The following CARD14 variants were observed in gnomAD, a reference collection of about 807,000 sequenced individuals.
CARD14 encodes the protein caspase recruitment domain-containing protein 14.
Under a neutral mutation model 111.5 loss-of-function variants are expected in CARD14, and 107 were observed. The observed-to-expected ratio is 0.96, with a 90% CI of 0.82 to 1.13. The LOEUF is 1.13. CARD14 is among the 50% of genes most tolerant of loss of function. The probability of loss-of-function intolerance (pLI) is 0.00; values close to 1 mark genes in which losing one functional copy is unlikely to be tolerated. For synonymous variants in CARD14, 617 were observed against 579.6 expected (o/e 1.06, Z -0.93); for missense variants, 1,322 against 1,362.3 (o/e 0.97, Z 0.47).
At chr17:80,187,931 T>A (rs1397932355) in intron 7 of CARD14, 84 of 985,960 alleles carry the variant, frequency 8.5e-5, no homozygotes, top group Non-Finnish European at 1.0e-4. Context: ...CAGGCACGTC[T>A]ACCCCTCCGA....
At chr17:80,190,748 C>A (rs373033714) in intron 9 of CARD14, 26 bp from the exon 10 acceptor site, 2 of 1,612,540 alleles carry the variant, frequency 1.2e-6, no homozygotes, top group Non-Finnish European at 1.7e-6. Flanking sequence ...CTGAGCTTCA[C>A]GGTCCATGTG....
intron 6 of CARD14, among the ~76,000 whole-genome samples, chr17:80,183,150 G>C (rs148326936): frequency 2.8e-4 from 43 of 152,352 alleles, no homozygotes; most frequent in Admixed American, 1.6e-3. Flanking sequence ...GGGCCAGAAC[G>C]GCCCAGCCTC....
chr17:80,206,299 A>AAAAAAAATATTTCAACT (rs1392916751), intron 22 of CARD14, among the ~76,000 whole-genome samples: 3 of 151,612 alleles, frequency 2.0e-5, no homozygotes, highest in Admixed American at 1.3e-4. Context: ...ACCCGTCTCT[A>AAAAAAAATATTTCAACT]AAAAAAATTA....
intron 19 of CARD14, 27 bp from the exon 20 acceptor site, chr17:80,204,200 C>T: frequency 6.4e-7 from 1 of 1,563,936 alleles, no homozygotes; most frequent in Non-Finnish European, 8.7e-7. Context: ...ACAGCTCCTC[C>T]TCATCCTTTC....
At chr17:80,205,715 AG>A (rs2144576449) in intron 22 of CARD14, 63 bp downstream of exon 22, 4 of 1,467,232 alleles carry the variant, frequency 2.7e-6, no homozygotes, top group African/African-American at 2.8e-5. Flanking sequence ...AATGCAGAGG[AG>A]GGGGATGAGA....
chr17:80,204,225 A>G lies in CARD14; in HGVS notation c.2284-2A>G. ...CTCATCCTTTCTCTGTCCCTCCTTT[A>G]GCCATCTTCTGGGGGACCACAGAAG... On this transcript the variant is annotated splice_acceptor_variant, in intron 19 of 23. Coordinates refer to ENST00000648509, the MANE Select transcript of CARD14 (RefSeq NM_001366385.1). LOFTEE classifies it high-confidence loss of function. 1 of 1,584,178 alleles carries G rather than the reference A, an allele frequency of 6.3e-7. No individual in the cohort carries two copies. The highest frequency in any genetic ancestry group is 8.6e-7 in the Non-Finnish European group (1 of 1,158,344).
intron 6 of CARD14, 43 bp from the exon 7 acceptor site, chr17:80,183,870 C>A: frequency 7.0e-7 from 1 of 1,438,462 alleles, no homozygotes; most frequent in South Asian, 1.5e-5. Flanking sequence ...CCACCTATTA[C>A]CTCCCTACCT....
Position 80,195,492 on chromosome 17 carries a change from T to A in CARD14, c.1500-66T>A. On this transcript the variant is annotated intron_variant, in intron 13 of 23. Coordinates refer to ENST00000648509, the MANE Select transcript of CARD14 (RefSeq NM_001366385.1). The surrounding 1 kb of genome is among the most constrained non-coding windows in gnomAD (Gnocchi z 4.7). ...CTGGCAGGTGCTGGGGGCCAGTGCT[T>A]GGGGCGTGGGGACTCAGAGGGAGCA... 1 of 1,531,420 alleles carries A rather than the reference T, an allele frequency of 6.5e-7. No individual in the cohort carries two copies. 94.9% of individuals were successfully genotyped at this position (1,531,420 alleles called of 1,614,324 possible). A position where few individuals can be genotyped will look rare whatever the true frequency, so the allele number is the denominator to read the frequency against.
chr17:80,202,540 T>G, intron 18 of CARD14, 120 bp downstream of exon 18: 1 of 1,476,444 alleles, frequency 6.8e-7, no homozygotes, highest in Admixed American at 2.3e-5. Context: ...GAGACCCCCC[T>G]AAGGAGGGAA....
At chr17:80,202,132 G>A (rs1473641216) in intron 17 of CARD14, 48 bp from the exon 18 acceptor site, 2 of 1,520,764 alleles carry the variant, frequency 1.3e-6, no homozygotes, top group Non-Finnish European at 1.8e-6. Context: ...CTTCCTCGCA[G>A]AGGCTCGTAT....
At position 80,189,581 on chromosome 17, in the gene CARD14, A is replaced by G. The variant is rs2040450907; in HGVS notation, c.844-172A>G. Among the ~76,000 whole-genome samples the G allele has an allele frequency of 6.6e-6, 1 of 152,098 alleles. No individual in the cohort carries two copies. The highest frequency in any genetic ancestry group is 2.4e-5 in the African/African-American group (1 of 41,416). ...TTGGCCATGAATCTGCACTTTTCCC[A>G]GGCATGATGGGTGGCTTTTCCGTGG... On this transcript the variant is annotated intron_variant, in intron 8 of 23. Coordinates refer to ENST00000648509, the MANE Select transcript of CARD14 (RefSeq NM_001366385.1). The surrounding 1 kb of genome is among the most constrained non-coding windows in gnomAD (Gnocchi z 4.7).
In CARD14 at chr17:80,173,078, A is replaced by C. The variant is rs1456745484; in HGVS notation, c.-517A>C. The C allele has an allele frequency of 2.0e-5, 3 of 152,342 alleles. No homozygotes were observed. Among genetic ancestry groups the C allele is most frequent in the African/African-American group, 7.3e-5 (3 of 41,140 alleles). The allele number at this position is 152,342 out of a possible 1,614,324, so 9.4% of individuals were successfully genotyped here. A position where few individuals can be genotyped will look rare whatever the true frequency, so the allele number is the denominator to read the frequency against. On this transcript the variant is annotated 5_prime_UTR_variant, in exon 2 of 24. Transcript: ENST00000648509. Reference sequence around the variant, plus strand: ...CTATTTCTAGTAGAAATGGGGTTTCACCATGTTGGCAGGCTGGTCTCGAAC... The same window carrying C: ...CTATTTCTAGTAGAAATGGGGTTTCCCCATGTTGGCAGGCTGGTCTCGAAC...
chr17:80,208,657 C>T lies in CARD14; in HGVS notation c.*312C>T, dbSNP rs367751846. ...CGTCTTCCCATGCCTTCCCTAGAACCGGAGGCCCCGGACTTCTCTGGAAAA... is the reference window on the plus strand; with the variant it reads ...CGTCTTCCCATGCCTTCCCTAGAACTGGAGGCCCCGGACTTCTCTGGAAAA... On this transcript the variant is annotated 3_prime_UTR_variant, in exon 24 of 24. Transcript: ENST00000648509. The T allele has an allele frequency of 2.8e-5, 8 of 290,080 alleles. No homozygotes were observed. The highest frequency in any genetic ancestry group is 9.6e-4 in the Middle Eastern group (1 of 1,044). The allele number at this position is 290,080 out of a possible 1,614,324, so 18.0% of individuals were successfully genotyped here. A position where few individuals can be genotyped will look rare whatever the true frequency, so the allele number is the denominator to read the frequency against.
At position 80,189,952 on chromosome 17, in the gene CARD14, A is replaced by AT; in HGVS notation, c.963+82dup. 1.3e-6 allele frequency: 2 copies of AT among 1,511,658 alleles called. No individual in the cohort carries two copies. The highest frequency in any genetic ancestry group is 1.8e-6 in the Non-Finnish European group (2 of 1,142,154). 93.6% of individuals were successfully genotyped at this position (1,511,658 alleles called of 1,614,324 possible). On this transcript the variant is annotated intron_variant, in intron 9 of 23. Coordinates refer to ENST00000648509, the MANE Select transcript of CARD14 (RefSeq NM_001366385.1). The surrounding 1 kb of genome is among the most constrained non-coding windows in gnomAD (Gnocchi z 4.7). ...GCGGACAGGTCTGTGGGGAAGCCAGATTCCTTCATCCACGCCGAGCTCACA... is the reference window on the plus strand; with the variant it reads ...GCGGACAGGTCTGTGGGGAAGCCAGATTTCCTTCATCCACGCCGAGCTCACA...
chr17:80,174,400 AC>A (rs2039976083), intron 2 of CARD14, among the ~76,000 whole-genome samples: 1 of 152,014 alleles, frequency 6.6e-6, no homozygotes, highest in South Asian at 2.1e-4. Flanking sequence ...TTTAGTAGAG[AC>A]AGGGTTTTGC....
intron 2 of CARD14, among the ~76,000 whole-genome samples, chr17:80,174,515 C>G (rs2039978370): frequency 6.6e-6 from 1 of 152,168 alleles, no homozygotes; most frequent in Admixed American, 6.5e-5. Flanking sequence ...GCCTGGACTT[C>G]CTTTATTTTA....
At chr17:80,207,405 G>A (rs184498578) in intron 23 of CARD14, among the ~76,000 whole-genome samples, 29 of 152,298 alleles carry the variant, frequency 1.9e-4, no homozygotes, top group African/African-American at 6.3e-4. Context: ...ACAAAAACTA[G>A]CCAGGTGTGG....
intron 1 of CARD14, among the ~76,000 whole-genome samples, chr17:80,171,609 T>G (rs2039905583): frequency 6.6e-6 from 1 of 152,220 alleles, no homozygotes. Context: ...AGTTGCTTCA[T>G]GGCAACTGCA....
At position 80,204,223 on chromosome 17, in the gene CARD14, TTAGCCATCTTCTG is replaced by T; in HGVS notation, c.2284-3_2293del. 6.3e-7 allele frequency: 1 copy of T among 1,584,056 alleles called. No individual in the cohort carries two copies. The highest frequency in any genetic ancestry group is 8.6e-7 in the Non-Finnish European group (1 of 1,158,278). The stretch of plus-strand genomic sequence containing the variant: ...TCCTCATCCTTTCTCTGTCCCTCCT[TTAGCCATCTTCTG>T]GGGGACCACAGAAGCTGGTCCGCAT... On this transcript the variant is annotated splice_acceptor_variant and splice_polypyrimidine_tract_variant and coding_sequence_variant and intron_variant, in exon 20 of 24. Transcript: ENST00000648509. LOFTEE classifies it high-confidence loss of function.
Sources: allele counts gnomAD v4.1 joint callset (sites outside exome capture counted in the v4.1 genomes callset), GRCh38; gene constraint gnomAD v4.1.1; non-coding constraint Gnocchi (gnomAD v3.1); transcripts MANE v1.5; gene names NCBI Gene and HGNC (gene_info 2026-07-23, HGNC 2026-07-21).